STK32B: variants seen among roughly 807,000 people sequenced by gnomAD.
STK32B encodes serine/threonine kinase 32B, also known as serine/threonine-protein kinase 32B.
A neutral mutation model predicts 52.6 loss-of-function variants in STK32B; 43 were observed. The ratio of observed to expected loss-of-function variants is 0.82; its 90% confidence interval spans 0.64 to 1.05. STK32B has a LOEUF of 1.05. Ranked by LOEUF, STK32B falls within the 50% of genes least tolerant of loss-of-function variation. The probability of loss-of-function intolerance (pLI) is 0.00; values close to 1 mark genes in which losing one functional copy is unlikely to be tolerated. For synonymous variants in STK32B, 238 were observed against 204.3 expected, an observed-to-expected ratio of 1.17 and a Z score of -1.41; for missense variants, 621 against 534.6, an observed-to-expected ratio of 1.16 and a Z score of -1.59.
chr4:5,283,834 T>TTTTG (rs927950555), intron 3 of STK32B, among the ~76,000 whole-genome samples: 65 of 152,262 alleles, frequency 4.3e-4, no homozygotes, highest in Non-Finnish European at 2.8e-4. Flanking sequence ...TAAAGGGAGT[T>TTTTG]TTTGTTTGTT....
At chr4:5,433,048 C>T (rs1713730739) in intron 6 of STK32B, among the ~76,000 whole-genome samples, 1 of 152,160 alleles carries the variant, frequency 6.6e-6, no homozygotes, top group Non-Finnish European at 1.5e-5. Flanking sequence ...ACTGATTCTA[C>T]TACTTACAAG....
At chr4:5,494,742 G>C (rs1329883288) in intron 11 of STK32B, among the ~76,000 whole-genome samples, 3 of 152,144 alleles carry the variant, frequency 2.0e-5, no homozygotes, top group Admixed American at 6.6e-5. Flanking sequence ...TTTAGTGCTT[G>C]CTTCAGGAGC....
In STK32B at chr4:5,395,448, A is replaced by G. The variant is rs75718256; in HGVS notation, c.435-2759A>G. ...ATTCAGATGTCAACCCAATGTCACC[A>G]CTTCTTAAAGGTCTTCCTGACCATC... On this transcript the variant is annotated intron_variant, in intron 4 of 11. Coordinates refer to ENST00000282908, the MANE Select transcript of STK32B (RefSeq NM_018401.3). The surrounding 1 kb of genome is among the most constrained non-coding windows in gnomAD (Gnocchi z 4.4). Among the ~76,000 whole-genome samples the G allele has an allele frequency of 6.6e-6, 1 of 152,034 alleles. No individual in the cohort carries two copies. Among genetic ancestry groups the G allele is most frequent in the East Asian group, 1.9e-4 (1 of 5,174 alleles).
rs1049810884 is a variant in STK32B at position 5,380,565 on chromosome 4, A to C, written c.435-17642A>C. On this transcript the variant is annotated intron_variant, in intron 4 of 11. Transcript: ENST00000282908. The surrounding 1 kb of genome is among the most constrained non-coding windows in gnomAD (Gnocchi z 4.3). Reference sequence around the variant, plus strand: ...GATGGTGTGCAAAGCAGGAAGTGCAAGTCCCACCCCATAGGAGCAGCTGGG... The same window carrying C: ...GATGGTGTGCAAAGCAGGAAGTGCACGTCCCACCCCATAGGAGCAGCTGGG... 3.3e-5 allele frequency among the ~76,000 whole-genome samples: 5 copies of C among 152,214 alleles called. No individual in the cohort carries two copies. The highest frequency in any genetic ancestry group is 7.3e-5 in the Non-Finnish European group (5 of 68,030).
In STK32B at chr4:5,324,533, G is replaced by A. The variant is rs73794557; in HGVS notation, c.261-6687G>A. ...TCTTAAGCAGGGTTTTTCAACCTCA[G>A]CACTGTTGCCATTTTGCAGTAGGTG... On this transcript the variant is annotated intron_variant, in intron 3 of 11. Transcript: ENST00000282908. 1.2e-3 allele frequency among the ~76,000 whole-genome samples: 178 copies of A among 152,238 alleles called. 1 individual carries two copies. Among genetic ancestry groups the A allele is most frequent in the African/African-American group, 4.1e-3 (169 of 41,534 alleles).
At chr4:5,221,840 G>GT (rs1723556255) in intron 3 of STK32B, among the ~76,000 whole-genome samples, 1 of 115,010 alleles carries the variant, frequency 8.7e-6, no homozygotes, top group African/African-American at 3.5e-5. Context: ...TGGAGACAGA[G>GT]CAAGACTCTG....
intron 6 of STK32B, among the ~76,000 whole-genome samples, chr4:5,420,013 C>G (rs1353690366): frequency 6.6e-6 from 1 of 152,178 alleles, no homozygotes; most frequent in Non-Finnish European, 1.5e-5. Flanking sequence ...AAGACAGGCA[C>G]ATTAACTATA....
At chr4:5,309,888 G>T (rs1730174852) in intron 3 of STK32B, among the ~76,000 whole-genome samples, 1 of 152,252 alleles carries the variant, frequency 6.6e-6, no homozygotes, top group South Asian at 2.1e-4. Flanking sequence ...AAATGGGGCT[G>T]GGTGTGGTAG....
intron 3 of STK32B, among the ~76,000 whole-genome samples, chr4:5,326,350 G>C (rs1318141876): frequency 6.6e-6 from 1 of 152,004 alleles, no homozygotes; most frequent in Non-Finnish European, 1.5e-5. Context: ...TCAGTTCCAA[G>C]TCACAGAAAT....
chr4:5,316,293 T>TA (rs1730718147), intron 3 of STK32B, among the ~76,000 whole-genome samples: 1 of 62,168 alleles, frequency 1.6e-5, no homozygotes, highest in Non-Finnish European at 2.5e-5. Context: ...ATATACAATA[T>TA]TATATATAAT....
At chr4:5,283,198 G>A (rs577072162) in intron 3 of STK32B, among the ~76,000 whole-genome samples, 2 of 151,988 alleles carry the variant, frequency 1.3e-5, no homozygotes, top group South Asian at 2.1e-4. Flanking sequence ...GGCTTATTTC[G>A]CTGAGCATAA....
At chr4:5,190,441 A>G (rs17677122) in intron 3 of STK32B, among the ~76,000 whole-genome samples, 35,948 of 152,006 alleles carry the variant, frequency 0.24, 5,229 homozygotes, top group Non-Finnish European at 0.33. Context: ...GGAGTGGGCC[A>G]CGTGCTTGAC....
intron 3 of STK32B, among the ~76,000 whole-genome samples, chr4:5,325,549 T>C (rs1196625053): frequency 6.6e-6 from 1 of 152,182 alleles, no homozygotes; most frequent in African/African-American, 2.4e-5. Flanking sequence ...TTCTATTATG[T>C]TATATACATT....
chr4:5,429,986 T>C (rs1426421442), intron 6 of STK32B, among the ~76,000 whole-genome samples: 1 of 152,168 alleles, frequency 6.6e-6, no homozygotes, highest in African/African-American at 2.4e-5. Context: ...ACATGCTTTT[T>C]TCCTTCAGCT....
At chr4:5,099,457 C>CGCGCGCACGT (rs5855838) in intron 1 of STK32B, among the ~76,000 whole-genome samples, 43,952 of 146,166 alleles carry the variant, frequency 0.3, 7,335 homozygotes, top group Middle Eastern at 0.42. Flanking sequence ...TGTGCGCGCG[C>CGCGCGCACGT]GCGTATGTGA....
chr4:5,084,704 G>T (rs1418201082), intron 1 of STK32B, among the ~76,000 whole-genome samples: 2 of 152,122 alleles, frequency 1.3e-5, no homozygotes, highest in Admixed American at 6.5e-5. Flanking sequence ...AGTAACTTCT[G>T]TAAAAAATTG....
intron 4 of STK32B, chr4:5,345,303 A>C (rs1299811691): frequency 7.3e-6 from 1 of 136,614 alleles, no homozygotes; most frequent in African/African-American, 2.8e-5. Flanking sequence ...GAAAAGTTAT[A>C]ATTCTCCTTT....
chr4:5,109,799 C>G (rs1250805531), intron 1 of STK32B, among the ~76,000 whole-genome samples: 1 of 152,088 alleles, frequency 6.6e-6, no homozygotes, highest in Non-Finnish European at 1.5e-5. Flanking sequence ...TAAAAGGTAT[C>G]CAAATTGGAA....
chr4:5,280,314 A>G (rs1481416240), intron 3 of STK32B, among the ~76,000 whole-genome samples: 1 of 152,088 alleles, frequency 6.6e-6, no homozygotes, highest in African/African-American at 2.4e-5. Flanking sequence ...AGTTCCCAGT[A>G]AGTTCCTCAT....
Sources: allele counts gnomAD v4.1 joint callset (sites outside exome capture counted in the v4.1 genomes callset), GRCh38; gene constraint gnomAD v4.1.1; non-coding constraint Gnocchi (gnomAD v3.1); transcripts MANE v1.5; gene names NCBI Gene and HGNC (gene_info 2026-07-23, HGNC 2026-07-21).